Variants in NUCB1 observed in about 807,000 individuals in gnomAD.
NUCB1 encodes nucleobindin 1.
NUCB1 carries 47 observed loss-of-function variants against 61.2 expected under a neutral mutation model. The ratio of observed to expected loss-of-function variants is 0.77; its 90% CI spans 0.61 to 0.98. The LOEUF (loss-of-function observed/expected upper bound fraction) is 0.98, where lower values mean the gene tolerates loss of function less well. NUCB1 is among the 50% of genes least tolerant of loss of function. The probability of loss-of-function intolerance (pLI) is 0.00; values close to 1 mark genes in which losing one functional copy is unlikely to be tolerated. For synonymous variants in NUCB1, 234 were observed against 243.1 expected (o/e 0.96, Z 0.35); for missense variants, 583 against 605.3 (o/e 0.96, Z 0.39).
intron 2 of NUCB1, 77 bp downstream of exon 2, chr19:48,901,008 G>A (rs769331213): frequency 1.9e-6 from 3 of 1,561,980 alleles, no homozygotes; most frequent in African/African-American, 1.4e-5. Context: ...GTGCCCGTAG[G>A]GCGGATGCTC....
intron 10 of NUCB1, among the ~76,000 whole-genome samples, chr19:48,920,854 A>T (rs765208926): frequency 6.6e-5 from 10 of 151,012 alleles, no homozygotes; most frequent in Non-Finnish European, 1.2e-4. Flanking sequence ...ATGCCCAGCC[A>T]ATTTTCTGTA....
chr19:48,920,265 T>C (rs188307711), intron 10 of NUCB1, among the ~76,000 whole-genome samples: 1 of 152,250 alleles, frequency 6.6e-6, no homozygotes, highest in Non-Finnish European at 1.5e-5. Flanking sequence ...TGCCTGAGCC[T>C]CCCTATTAGC....
chr19:48,910,290 A>C (rs2037457469), intron 4 of NUCB1, among the ~76,000 whole-genome samples: 1 of 151,212 alleles, frequency 6.6e-6, no homozygotes, highest in African/African-American at 2.4e-5. Context: ...GTTGGCCAGG[A>C]TGGTCTCAAT....
rs200463558 is a variant in NUCB1, at chr19:48,919,261, T to A, written c.977T>A (p.Phe326Tyr). 8.1e-6 allele frequency: 13 copies of A among 1,613,658 alleles called. No homozygotes were observed. Among genetic ancestry groups the A allele is most frequent in the Admixed American group, 5.0e-5 (3 of 59,946 alleles). The change falls in exon 10 of 13, where the codon TTT (phenylalanine) becomes TAT (tyrosine). Residue 326 changes from phenylalanine (F) to tyrosine (Y), a missense_variant. Phe to Tyr is a conservative substitution (Grantham distance 22, BLOSUM62 3). Coordinates refer to ENST00000405315, the MANE Select transcript of NUCB1 (RefSeq NM_006184.6). ...EFLASTQRKEFGDTGEGWETV... is the reference protein window; with the variant it reads ...EFLASTQRKEYGDTGEGWETV... ...CTCGCATCCACTCAGAGGAAGGAGT[T>A]TGGGGACACCGGGGAGGGCTGGGAG...
At chr19:48,916,376 G>C (rs1321757169) in intron 7 of NUCB1, among the ~76,000 whole-genome samples, 1 of 151,696 alleles carries the variant, frequency 6.6e-6, no homozygotes, top group Non-Finnish European at 1.5e-5. Context: ...CCAGCACTTT[G>C]GGAGGCCGAG....
In NUCB1 at chr19:48,905,144, G is replaced by C. The variant is rs146452428; in HGVS notation, c.244-609G>C. 8.0e-3 allele frequency among the ~76,000 whole-genome samples: 1,212 copies of C among 152,336 alleles called. 18 individuals carry two copies. The highest frequency in any genetic ancestry group is 0.012 in the Non-Finnish European group (818 of 68,038). On this transcript the variant is annotated intron_variant, in intron 3 of 12. Transcript: ENST00000405315. ...GTTTGGATTTTCCAAAGGAAGATGT[G>C]TAAAGGGTTTGGAAGAGCATGGTGA...
chr19:48,911,916 C>T (rs1003866119), intron 5 of NUCB1, among the ~76,000 whole-genome samples: 1 of 151,960 alleles, frequency 6.6e-6, no homozygotes, highest in Non-Finnish European at 1.5e-5. Context: ...GTAACTTGCC[C>T]AGTGTCACAG....
chr19:48,908,771 C>A, intron 4 of NUCB1, among the ~76,000 whole-genome samples: 1 of 128,752 alleles, frequency 7.8e-6, no homozygotes, highest in Non-Finnish European at 1.7e-5. Flanking sequence ...TGTCTTTCTC[C>A]CCACCTAACC....
At chr19:48,917,995 G>C (rs576586585) in intron 7 of NUCB1, among the ~76,000 whole-genome samples, 149 of 152,086 alleles carry the variant, frequency 9.8e-4, no homozygotes, top group African/African-American at 3.4e-3. Context: ...TGTGGCTAGC[G>C]GCTACTGTAC....
intron 3 of NUCB1, 62 bp from the exon 4 acceptor site, chr19:48,905,691 G>C (rs2037402494): frequency 4.4e-6 from 7 of 1,595,568 alleles, no homozygotes; most frequent in Admixed American, 3.4e-5. Context: ...AAGCTTATAA[G>C]AAGCTTCCAG....
chr19:48,916,625 A>G (rs1363693111), intron 7 of NUCB1, among the ~76,000 whole-genome samples: 1 of 150,134 alleles, frequency 6.7e-6, no homozygotes, highest in Non-Finnish European at 1.5e-5. Flanking sequence ...GTCTCTAAAA[A>G]ATAGAAAATA....
At chr19:48,922,158 TGTGA>T (rs1016571838) in intron 12 of NUCB1, among the ~76,000 whole-genome samples, 156 bp from the exon 13 acceptor site, 3 of 96,428 alleles carry the variant, frequency 3.1e-5, no homozygotes, top group African/African-American at 1.6e-4. Context: ...GACCCCTGGG[TGTGA>T]GTGAGGAGGG....
intron 4 of NUCB1, among the ~76,000 whole-genome samples, chr19:48,908,391 A>G: frequency 6.6e-6 from 1 of 152,052 alleles, no homozygotes; most frequent in Non-Finnish European, 1.5e-5. Context: ...CAGCCTCCCA[A>G]ATTGCTGAGA....
rs200537426 is a variant in NUCB1, at chr19:48,918,809, A to G, written c.816+25A>G. 363 of 1,605,120 alleles carry G rather than the reference A, an allele frequency of 2.3e-4. 1 individual carries two copies. In the African/African-American group the frequency reaches 4.0e-3, roughly 17 times the overall value. ...GGTGAGCATCTTGGAAGCCTCGGGC[A>G]CCTGGAGGGACGCCCAAATCAGCCA... On this transcript the variant is annotated intron_variant, in intron 8 of 12. Coordinates refer to ENST00000405315, the MANE Select transcript of NUCB1 (RefSeq NM_006184.6).
intron 7 of NUCB1, 61 bp downstream of exon 7, chr19:48,913,625 C>T: frequency 7.3e-7 from 1 of 1,372,864 alleles, no homozygotes; most frequent in Admixed American, 1.7e-5. Context: ...CTTCTAGGAC[C>T]TGAATGCTAA....
At chr19:48,908,648 C>CATGT (rs765868703) in intron 4 of NUCB1, among the ~76,000 whole-genome samples, 1 of 86,496 alleles carries the variant, frequency 1.2e-5, no homozygotes, top group African/African-American at 5.4e-5. Flanking sequence ...TCTAGCTGCC[C>CATGT]GTGTGTGTGT....
chr19:48,902,882 G>A (rs2037367417), intron 2 of NUCB1, among the ~76,000 whole-genome samples: 1 of 151,620 alleles, frequency 6.6e-6, no homozygotes, highest in South Asian at 2.1e-4. Context: ...GAGGGGAGAG[G>A]GGGATTATGT....
rs374035563 is a variant in NUCB1, at chr19:48,913,476, C to T, written c.669C>T (p.Gly223=). ...GCTCCTGGCTCTCCCCTCCACAGGG[C>T]AGCCAAGCCCAGTTGAAGGAGGTGT... ...HREHPKVNVP[G]SQAQLKEVWE... The change falls in exon 7 of 13, where the codon GGC becomes GGT. Residue 223 remains glycine (G), a splice_region_variant and synonymous_variant. Transcript: ENST00000405315. 1.2e-5 allele frequency: 19 copies of T among 1,613,916 alleles called. No homozygotes were observed. Among genetic ancestry groups the T allele is most frequent in the Admixed American group, 3.3e-5 (2 of 60,004 alleles).
intron 7 of NUCB1, among the ~76,000 whole-genome samples, chr19:48,916,170 T>TTG (rs1438258312): frequency 4.6e-4 from 63 of 137,072 alleles, no homozygotes; most frequent in South Asian, 1.5e-3. Context: ...TTGGTATTTG[T>TTG]CGTGTGTGTG....
Sources: allele counts gnomAD v4.1 joint callset (sites outside exome capture counted in the v4.1 genomes callset), GRCh38; gene constraint gnomAD v4.1.1; transcripts MANE v1.5; gene names NCBI Gene and HGNC (gene_info 2026-07-23, HGNC 2026-07-21).